Variants in NDUFA10 observed in about 807,000 individuals in gnomAD.
The protein encoded by NDUFA10 is NADH:ubiquinone oxidoreductase subunit A10.
In NDUFA10, 40 loss-of-function variants were observed where a neutral mutation model predicts 47.8. The ratio of observed to expected loss-of-function variants is 0.84; its 90% confidence interval spans 0.65 to 1.09. The LOEUF (loss-of-function observed/expected upper bound fraction) is 1.09. Ranked by LOEUF, NDUFA10 falls within the 50% of genes least tolerant of loss-of-function variation. The pLI, the probability that NDUFA10 is intolerant of heterozygous loss-of-function variation, is 0.00. For synonymous variants in NDUFA10, 183 were observed against 172.2 expected (o/e 1.06, Z -0.49); for missense variants, 413 against 451.1 (o/e 0.92, Z 0.76).
intron 4 of NDUFA10, among the ~76,000 whole-genome samples, chr2:239,925,769 A>T (rs145352968): frequency 0.02 from 3,059 of 152,350 alleles, 44 homozygotes; most frequent in Non-Finnish European, 0.029. Context: ...CACCTGGCAG[A>T]GGACAAAATC....
chr2:240,015,115 C>T (rs554417020), intron 4 of NDUFA10, among the ~76,000 whole-genome samples: 1 of 152,358 alleles, frequency 6.6e-6, no homozygotes, highest in Admixed American at 6.5e-5. Context: ...GTCGCCTCCA[C>T]TGTATTTACA....
intron 4 of NDUFA10, among the ~76,000 whole-genome samples, chr2:239,920,486 A>C (rs573189379): frequency 2.7e-4 from 41 of 152,374 alleles, no homozygotes; most frequent in Middle Eastern, 3.4e-3. Context: ...CAGCAGCCAG[A>C]CAGCCAGTTT....
At chr2:240,011,791 C>T in intron 5 of NDUFA10, 95 bp from the exon 6 acceptor site, 1 of 1,083,554 alleles carries the variant, frequency 9.2e-7, no homozygotes, top group Non-Finnish European at 1.4e-6. Flanking sequence ...CACTGACCAC[C>T]ATTTTCTTAC....
intron 9 of NDUFA10, among the ~76,000 whole-genome samples, chr2:239,976,786 G>C (rs1695542153): frequency 6.6e-6 from 1 of 152,208 alleles, no homozygotes; most frequent in African/African-American, 2.4e-5. Context: ...CAGAAACTAT[G>C]AGCTGTGGCA....
intron 1 of NDUFA10, among the ~76,000 whole-genome samples, chr2:240,023,230 T>C (rs555606566): frequency 1.3e-5 from 2 of 152,290 alleles, no homozygotes; most frequent in African/African-American, 4.8e-5. Flanking sequence ...GTAATAACCT[T>C]ACTATATACA....
chr2:240,020,657 T>G (rs1440367055), intron 3 of NDUFA10, among the ~76,000 whole-genome samples: 1 of 152,218 alleles, frequency 6.6e-6, no homozygotes, highest in Non-Finnish European at 1.5e-5. Context: ...TTTGGATACC[T>G]TCAAGGGAAG....
chr2:239,988,662 G>C (rs1294116298), intron 9 of NDUFA10, among the ~76,000 whole-genome samples: 1 of 152,198 alleles, frequency 6.6e-6, no homozygotes, highest in African/African-American at 2.4e-5. Context: ...AGACGCAACA[G>C]GACCTGGCCA....
At position 239,959,768 on chromosome 2, in the gene NDUFA10, G is replaced by T; in HGVS notation, c.*1350C>A. 1.4e-6 allele frequency: 1 copy of T among 736,708 alleles called. No individual in the cohort carries two copies. Among genetic ancestry groups the T allele is most frequent in the Non-Finnish European group, 1.7e-6 (1 of 603,206 alleles). 45.6% of individuals were successfully genotyped at this position (736,708 alleles called of 1,614,324 possible). On this transcript the variant is annotated 3_prime_UTR_variant, in exon 10 of 10. Coordinates refer to ENST00000252711, the MANE Select transcript of NDUFA10 (RefSeq NM_004544.4). ...AGGAGGGAAGGAAAGAGGCAGGGAG[G>T]AAGGGAAGGGAGGAAAACAAGGACA...
intron 8 of NDUFA10, among the ~76,000 whole-genome samples, chr2:239,996,869 ATTC>A (rs1163232783): frequency 1.6e-4 from 25 of 151,572 alleles, no homozygotes; most frequent in African/African-American, 5.6e-4. Context: ...GTCCAAGACA[ATTC>A]TTCTTCTTCC....
intron 7 of NDUFA10, among the ~76,000 whole-genome samples, chr2:240,006,947 A>C (rs1000708511): frequency 2.0e-5 from 3 of 152,254 alleles, no homozygotes; most frequent in African/African-American, 7.2e-5. Flanking sequence ...TGAAAACTAC[A>C]CCAAGATTTA....
intron 4 of NDUFA10, among the ~76,000 whole-genome samples, chr2:239,900,761 T>C (rs938921830): frequency 6.6e-6 from 1 of 152,130 alleles, no homozygotes; most frequent in African/African-American, 2.4e-5. Flanking sequence ...CAAAGCCTAA[T>C]CCAGAGCAAG....
At chr2:239,968,282 GGCAGCAAAT>G (rs1695165373) in intron 9 of NDUFA10, among the ~76,000 whole-genome samples, 1 of 152,178 alleles carries the variant, frequency 6.6e-6, no homozygotes, top group South Asian at 2.1e-4. Context: ...GGAGGGAGGA[GGCAGCAAAT>G]GCACGCAATG....
chr2:239,941,329 A>T (rs1442397359), intron 4 of NDUFA10, among the ~76,000 whole-genome samples: 1 of 152,176 alleles, frequency 6.6e-6, no homozygotes, highest in Admixed American at 6.5e-5. Context: ...GTATCTTCAC[A>T]AACAGGGACA....
At chr2:239,937,092 G>A (rs750729938) in intron 4 of NDUFA10, among the ~76,000 whole-genome samples, 1 of 152,224 alleles carries the variant, frequency 6.6e-6, no homozygotes, top group Non-Finnish European at 1.5e-5. Context: ...GAGGGCTGGG[G>A]GCAGTCCGCA....
intron 4 of NDUFA10, among the ~76,000 whole-genome samples, chr2:239,946,863 CTG>C (rs1194642803): frequency 2.0e-5 from 3 of 152,258 alleles, no homozygotes; most frequent in Non-Finnish European, 4.4e-5. Flanking sequence ...GAAATGCCTG[CTG>C]TGTGTCTTTG....
intron 8 of NDUFA10, among the ~76,000 whole-genome samples, chr2:239,997,437 A>G (rs532529925): frequency 2.0e-5 from 3 of 152,396 alleles, no homozygotes; most frequent in African/African-American, 7.2e-5. Context: ...TATGGGTATC[A>G]GAATCGAAAG....
In NDUFA10 at chr2:239,946,167, C is replaced by T. The variant is rs1694449250; in HGVS notation, c.294+43907G>A. ...GAGGAAGGATGGCTGCACGCTCCTC[C>T]CACTTGCTCCTCCTCAGCCCCAGCT... On this transcript the variant is annotated intron_variant, in intron 4 of 5. Coordinates refer to the NDUFA10 transcript ENST00000419408. Among the ~76,000 whole-genome samples, 4 of 152,154 alleles carry T rather than the reference C, an allele frequency of 2.6e-5. No homozygotes were observed. In the South Asian group the frequency reaches 8.3e-4, roughly 31 times the overall value.
intron 1 of NDUFA10, among the ~76,000 whole-genome samples, chr2:240,023,890 G>A (rs908436509): frequency 6.6e-6 from 1 of 152,234 alleles, no homozygotes; most frequent in African/African-American, 2.4e-5. Context: ...TATATGAAAA[G>A]ATGAACACTG....
chr2:239,951,515 T>C (rs1004395322), intron 4 of NDUFA10, among the ~76,000 whole-genome samples: 7 of 152,086 alleles, frequency 4.6e-5, no homozygotes, highest in African/African-American at 1.7e-4. Flanking sequence ...CAGGGATGCC[T>C]GGTCAGGGTC....
Sources: allele counts gnomAD v4.1 joint callset (sites outside exome capture counted in the v4.1 genomes callset), GRCh38; gene constraint gnomAD v4.1.1; transcripts MANE v1.5; gene names NCBI Gene and HGNC (gene_info 2026-07-23, HGNC 2026-07-21).